The following SVOP variants were observed in gnomAD, a reference collection of about 807,000 sequenced individuals.
SVOP encodes synaptic vesicle 2-related protein.
Under a neutral mutation model 69.1 loss-of-function variants are expected in SVOP, and 17 were observed. The observed-to-expected ratio is 0.25, with a 90% CI of 0.17 to 0.37. The LOEUF is 0.37. SVOP is among the 10% of genes least tolerant of loss of function. SVOP has a pLI of 1.00. For missense variants in SVOP, 435 were observed against 597.5 expected, an observed-to-expected ratio of 0.73 and a Z score of 2.84; for synonymous variants, 238 against 238.6, an observed-to-expected ratio of 1.00 and a Z score of 0.02.
At chr12:109,009,037 C>T (rs2040326247) in intron 1 of SVOP, among the ~76,000 whole-genome samples, 1 of 146,532 alleles carries the variant, frequency 6.8e-6, no homozygotes, top group Admixed American at 7.0e-5. Flanking sequence ...TATCCGCTCA[C>T]TGCAGCGTCT....
intron 1 of SVOP, among the ~76,000 whole-genome samples, chr12:108,997,800 A>C (rs36112670): frequency 2.0e-3 from 309 of 151,734 alleles, no homozygotes; most frequent in Non-Finnish European, 3.0e-3. Context: ...TCACACCAAA[A>C]ACCCATCTGT....
intron 1 of SVOP, among the ~76,000 whole-genome samples, chr12:108,991,926 C>T (rs146572692): frequency 0.014 from 2,072 of 152,088 alleles, 74 homozygotes; most frequent in East Asian, 0.061. Flanking sequence ...GCCTGGACAA[C>T]AGAGTGAGAT....
At chr12:108,954,975 C>T (rs568110904) in intron 6 of SVOP, among the ~76,000 whole-genome samples, 1 of 152,334 alleles carries the variant, frequency 6.6e-6, no homozygotes, top group South Asian at 2.1e-4. Context: ...CATGATTTTG[C>T]CACTGTACTC....
In SVOP at chr12:108,938,862, G is replaced by A. The variant is rs1292073373; in HGVS notation, c.862C>T (p.Pro288Ser). The A allele has an allele frequency of 3.1e-6, 5 of 1,613,992 alleles. No homozygotes were observed. Among genetic ancestry groups the A allele is most frequent in the South Asian group, 1.1e-5 (1 of 91,080 alleles). Residue 288 changes from proline to serine, a missense_variant, in exon 9 of 16, where the codon CCC (proline) becomes TCC (serine). Pro to Ser is a moderately conservative substitution (Grantham distance 74, BLOSUM62 -1). Coordinates refer to ENST00000610966, the MANE Select transcript of SVOP (RefSeq NM_018711.5). ...LKRIATENGA[P>S]MPLGKLIISR... is the part of the protein sequence containing the mutation. ...ATGATGAGTTTCCCCAGCGGCATGG[G>A]AGCTCCGTTTTCAGTTGCTATCCTC...
In SVOP at chr12:108,912,374, T is replaced by C; in HGVS notation, c.*161A>G. The C allele has an allele frequency of 6.0e-6, 9 of 1,490,252 alleles. No individual in the cohort carries two copies. The highest frequency in any genetic ancestry group is 8.0e-6 in the Non-Finnish European group (9 of 1,126,276). 92.3% of individuals were successfully genotyped at this position (1,490,252 alleles called of 1,614,324 possible). A position where few individuals can be genotyped will look rare whatever the true frequency, so the allele number is the denominator to read the frequency against. Reference sequence around the variant, plus strand: ...CTCCCCATCCCTGGGTGGACCTCAATGAAGATGAGCAAACTGAGTCAAGAC... The same window carrying C: ...CTCCCCATCCCTGGGTGGACCTCAACGAAGATGAGCAAACTGAGTCAAGAC... On this transcript the variant is annotated 3_prime_UTR_variant, in exon 16 of 16. Coordinates refer to ENST00000610966, the MANE Select transcript of SVOP (RefSeq NM_018711.5).
chr12:108,919,233 C>T (rs560245794), intron 13 of SVOP, among the ~76,000 whole-genome samples: 4 of 150,274 alleles, frequency 2.7e-5, no homozygotes, highest in African/African-American at 9.8e-5. Flanking sequence ...GCCTCACCCA[C>T]ACCTGTACCT....
chr12:108,919,538 C>T (rs1046192053), intron 13 of SVOP, 137 bp downstream of exon 13: 2 of 638,688 alleles, frequency 3.1e-6, no homozygotes, highest in African/African-American at 3.7e-5. Context: ...TTCACACCTA[C>T]ACCCACACTT....
chr12:108,915,731 T>G, intron 15 of SVOP, 52 bp downstream of exon 15: 1 of 1,536,832 alleles, frequency 6.5e-7, no homozygotes, highest in Non-Finnish European at 8.8e-7. Flanking sequence ...CTGCTTGCCA[T>G]GCATGGGGTT....
At chr12:108,922,610 G>C (rs1403095311) in intron 12 of SVOP, 80 bp downstream of exon 12, 15 of 1,044,584 alleles carry the variant, frequency 1.4e-5, no homozygotes, top group African/African-American at 6.3e-5. Flanking sequence ...TTCCAGGTAG[G>C]GTAGACAGAG....
intron 1 of SVOP, among the ~76,000 whole-genome samples, chr12:109,018,033 T>C (rs2040377615): frequency 1.3e-5 from 2 of 152,174 alleles, no homozygotes; most frequent in South Asian, 4.1e-4. Context: ...GCAAGAACCA[T>C]TCTACCTTAC....
intron 1 of SVOP, 80 bp downstream of exon 1, chr12:109,020,754 A>ACCCCCCCCCCCCCCCCCCC (rs67827847): frequency 1.7e-5 from 4 of 239,404 alleles, no homozygotes; most frequent in South Asian, 3.4e-5. Context: ...GCAGAGATGT[A>ACCCCCCCCCCCCCCCCCCC]CCCCCCCCCA....
At position 109,021,030 on chromosome 12, in the gene SVOP, G is replaced by T. The variant is rs1272721003; in HGVS notation, c.-162C>A. On this transcript the variant is annotated 5_prime_UTR_variant, in exon 1 of 16. Coordinates refer to ENST00000610966, the MANE Select transcript of SVOP (RefSeq NM_018711.5). ...AGGGAGCCGCTGGGGACCAGCCCAC[G>T]AGACAAAGCCTCCGCCGCCAGGAGA... The T allele has an allele frequency of 1.8e-5, 10 of 553,602 alleles. No individual in the cohort carries two copies. The highest frequency in any genetic ancestry group is 1.6e-4 in the East Asian group (5 of 31,258). 34.3% of individuals were successfully genotyped at this position (553,602 alleles called of 1,614,324 possible). A position where few individuals can be genotyped will look rare whatever the true frequency, so the allele number is the denominator to read the frequency against.
intron 11 of SVOP, among the ~76,000 whole-genome samples, chr12:108,930,307 G>T (rs1336267025): frequency 2.0e-5 from 3 of 152,146 alleles, no homozygotes; most frequent in Non-Finnish European, 4.4e-5. Context: ...GACTGGTACT[G>T]CCAAGTGTTT....
intron 5 of SVOP, among the ~76,000 whole-genome samples, chr12:108,967,588 C>A (rs1036320414): frequency 2.0e-5 from 3 of 152,150 alleles, no homozygotes; most frequent in Admixed American, 6.6e-5. Flanking sequence ...GAGCGGATGC[C>A]ACATCACTGC....
rs537903368 is a variant in SVOP at position 108,915,943 on chromosome 12, T to C, written c.1351-71A>G. 9.9e-6 allele frequency: 14 copies of C among 1,416,602 alleles called. No individual in the cohort carries two copies. The East Asian group carries it at 3.4e-4, about 35-fold the overall frequency. The allele number at this position is 1,416,602 out of a possible 1,614,324, so 87.8% of individuals were successfully genotyped here. On this transcript the variant is annotated intron_variant, in intron 14 of 15. Transcript: ENST00000610966. Reference sequence around the variant, plus strand: ...TCCCACCACTCCAGCTCCAAGCTGATAGGACCAACCTCAGGGGCAGGCCGG... The same window carrying C: ...TCCCACCACTCCAGCTCCAAGCTGACAGGACCAACCTCAGGGGCAGGCCGG...
intron 1 of SVOP, among the ~76,000 whole-genome samples, chr12:109,002,657 A>G (rs2040279355): frequency 1.3e-5 from 2 of 151,900 alleles, no homozygotes; most frequent in Admixed American, 1.3e-4. Flanking sequence ...TGTCCTTTGT[A>G]GGGACATGGA....
intron 6 of SVOP, among the ~76,000 whole-genome samples, chr12:108,956,259 G>T (rs369895040): frequency 6.8e-6 from 1 of 147,728 alleles, no homozygotes; most frequent in South Asian, 2.1e-4. Context: ...CCGAGATTGC[G>T]CCACTGCACT....
At chr12:108,970,179 G>A (rs959043330) in intron 5 of SVOP, among the ~76,000 whole-genome samples, 5 of 152,190 alleles carry the variant, frequency 3.3e-5, no homozygotes, top group East Asian at 1.9e-4. Context: ...TTGCTGGAAC[G>A]TTCATTCATT....
chr12:108,970,105 G>A (rs2040069830), intron 5 of SVOP, among the ~76,000 whole-genome samples: 1 of 152,184 alleles, frequency 6.6e-6, no homozygotes, highest in African/African-American at 2.4e-5. Context: ...GTGTCTGCTG[G>A]CCCAAGTTTC....
Sources: allele counts gnomAD v4.1 joint callset (sites outside exome capture counted in the v4.1 genomes callset), GRCh38; gene constraint gnomAD v4.1.1; transcripts MANE v1.5; gene names NCBI Gene and HGNC (gene_info 2026-07-23, HGNC 2026-07-21).